RBM19: variants seen among roughly 807,000 people sequenced by gnomAD.
RBM19 encodes RNA binding motif protein 19.
RBM19 carries 94 observed loss-of-function variants against 116.8 expected under a neutral mutation model. That is an observed-to-expected ratio of 0.80 (90% confidence interval 0.68 to 0.95). The LOEUF (loss-of-function observed/expected upper bound fraction) is 0.95. Ranked by LOEUF, RBM19 falls within the 40% of genes least tolerant of loss-of-function variation. The probability of loss-of-function intolerance (pLI) is 0.00; values close to 1 mark genes in which losing one functional copy is unlikely to be tolerated. For synonymous variants in RBM19, 475 were observed against 494.1 expected (o/e 0.96, Z 0.51); for missense variants, 1,161 against 1,220.7 (o/e 0.95, Z 0.73).
At chr12:113,948,734 G>A (rs1198692675) in intron 10 of RBM19, 99 bp downstream of exon 10, 1 of 1,191,298 alleles carries the variant, frequency 8.4e-7, no homozygotes, top group African/African-American at 1.5e-5. Flanking sequence ...AAGAGATGTG[G>A]AGTCGTGTGC....
At position 113,844,700 on chromosome 12, in the gene RBM19, G is replaced by C. The variant is rs575444859; in HGVS notation, c.2753C>G (p.Ala918Gly). Residue 918 changes from alanine (A) to glycine (G), a missense_variant, in exon 23 of 24, where the codon GCC (alanine) becomes GGC (glycine). By Grantham distance (60) the Ala-to-Gly change is moderately conservative. Coordinates refer to ENST00000261741, the MANE Select transcript of RBM19 (RefSeq NM_016196.4). ...EWADSEVTLQ[A>G]LRRKTAAHFH... ...GTGAGCGGCCGTCTTCCGCCGCAGGGCCTGCAGGGTCACCTCGGAGTCGGC... is the reference window on the plus strand; with the variant it reads ...GTGAGCGGCCGTCTTCCGCCGCAGGCCCTGCAGGGTCACCTCGGAGTCGGC... The C allele has an allele frequency of 5.0e-6, 8 of 1,612,686 alleles. No homozygotes were observed. In the African/African-American group the frequency reaches 9.3e-5, roughly 19 times the overall value.
chr12:113,939,183 G>A (rs1870327901), intron 15 of RBM19, among the ~76,000 whole-genome samples: 1 of 152,146 alleles, frequency 6.6e-6, no homozygotes, highest in Non-Finnish European at 1.5e-5. Flanking sequence ...GTGCATGCCT[G>A]TAGTCTCAGC....
chr12:113,927,014 C>A, intron 17 of RBM19, 40 bp downstream of exon 17: 1 of 1,586,842 alleles, frequency 6.3e-7, no homozygotes, highest in Non-Finnish European at 8.6e-7. Flanking sequence ...TGGGGTTTCC[C>A]ATCCCACGCC....
intron 21 of RBM19, among the ~76,000 whole-genome samples, chr12:113,888,709 G>A (rs1880726745): frequency 6.6e-6 from 1 of 152,050 alleles, no homozygotes; most frequent in Non-Finnish European, 1.5e-5. Context: ...CTTTCAACCT[G>A]TCTTCCCTGC....
Position 113,920,702 on chromosome 12 carries a change from A to C in RBM19, c.2306-12T>G. 6.2e-7 allele frequency: 1 copy of C among 1,611,172 alleles called. No homozygotes were observed. The highest frequency in any genetic ancestry group is 8.5e-7 in the Non-Finnish European group (1 of 1,177,434). ...GGAAAGGAGCACTCCTGAGAGAGAG[A>C]GGTGGAAATCACACCAGTCGGTGAA... On this transcript the variant is annotated splice_polypyrimidine_tract_variant and intron_variant, in intron 18 of 23. Transcript: ENST00000261741.
chr12:113,844,264 C>T (rs976421696), intron 23 of RBM19, among the ~76,000 whole-genome samples: 4 of 152,122 alleles, frequency 2.6e-5, no homozygotes, highest in African/African-American at 4.8e-5. Flanking sequence ...CCAGGAAGGC[C>T]GTGAGCATCC....
intron 21 of RBM19, among the ~76,000 whole-genome samples, chr12:113,907,499 T>G (rs1030693298): frequency 2.0e-5 from 3 of 152,214 alleles, no homozygotes; most frequent in Admixed American, 2.0e-4. Context: ...CATTCCGTCC[T>G]TTCAAACCAC....
At chr12:113,866,628 C>T (rs1878827544) in intron 21 of RBM19, among the ~76,000 whole-genome samples, 1 of 152,180 alleles carries the variant, frequency 6.6e-6, no homozygotes, top group South Asian at 2.1e-4. Context: ...TCAGCATCAC[C>T]AGGGAGCTTG....
Position 113,858,804 on chromosome 12 carries a change from T to C in RBM19, c.2651A>G (p.Lys884Arg), listed in dbSNP as rs757175277. Residue 884 changes from lysine (K) to arginine (R), a missense_variant, in exon 22 of 24, where the codon AAG (lysine) becomes AGG (arginine). Physicochemically the swap from Lys to Arg is conservative, Grantham distance 26. Coordinates refer to ENST00000261741, the MANE Select transcript of RBM19 (RefSeq NM_016196.4). ...TCACGGTCTCACCTTCGCATCCTGC[T>C]TGGTGAGGAAGTCCACAAAGCCGAA... is the stretch of plus-strand genomic sequence containing the variant. ...RGFGFVDFLT[K>R]QDAKRAFNAL... is the part of the protein sequence containing the mutation. 44 of 1,613,928 alleles carry C rather than the reference T, an allele frequency of 2.7e-5. No homozygotes were observed. Among genetic ancestry groups the C allele is most frequent in the Non-Finnish European group, 3.4e-5 (40 of 1,179,960 alleles).
intron 21 of RBM19, among the ~76,000 whole-genome samples, chr12:113,872,210 G>C (rs1407933503): frequency 1.4e-5 from 2 of 147,358 alleles, no homozygotes; most frequent in South Asian, 2.3e-4. Context: ...GCCTCTGCCC[G>C]GCCGAGACCC....
At chr12:113,844,636 T>A (rs184761804) in intron 23 of RBM19, 32 bp downstream of exon 23, 1 of 1,589,104 alleles carries the variant, frequency 6.3e-7, no homozygotes, top group Non-Finnish European at 8.6e-7. Flanking sequence ...AGGGGGCCCA[T>A]GAGTCAGCCC....
At chr12:113,865,557 A>G (rs1172129434) in intron 21 of RBM19, among the ~76,000 whole-genome samples, 1 of 152,248 alleles carries the variant, frequency 6.6e-6, no homozygotes, top group Non-Finnish European at 1.5e-5. Flanking sequence ...CACTGTATCC[A>G]TTCATTTAAT....
intron 21 of RBM19, among the ~76,000 whole-genome samples, chr12:113,895,286 G>A (rs1242517232): frequency 1.3e-5 from 2 of 152,206 alleles, no homozygotes; most frequent in African/African-American, 4.8e-5. Context: ...TTGGGCGGGA[G>A]AGAGTGTGTG....
At chr12:113,928,971 T>C (rs1248053080) in intron 16 of RBM19, among the ~76,000 whole-genome samples, 1 of 152,082 alleles carries the variant, frequency 6.6e-6, no homozygotes, top group Non-Finnish European at 1.5e-5. Flanking sequence ...AGGCTGTGCC[T>C]TCACACCCCT....
intron 10 of RBM19, among the ~76,000 whole-genome samples, chr12:113,948,374 A>G (rs1288288767): frequency 6.6e-6 from 1 of 152,174 alleles, no homozygotes. Context: ...CCTTGACACT[A>G]TCAAATCTAT....
At chr12:113,933,310 C>T (rs1371892338) in intron 16 of RBM19, among the ~76,000 whole-genome samples, 4 of 102,418 alleles carry the variant, frequency 3.9e-5, no homozygotes, top group African/African-American at 1.2e-4. Context: ...ACGGGGGAGT[C>T]GGGGATTTGG....
intron 21 of RBM19, among the ~76,000 whole-genome samples, chr12:113,900,142 C>G (rs1333604421): frequency 6.6e-6 from 1 of 152,128 alleles, no homozygotes; most frequent in Non-Finnish European, 1.5e-5. Context: ...AGCGGAAGCC[C>G]GAGCCTGCGA....
chr12:113,945,804 G>C, intron 13 of RBM19, 24 bp downstream of exon 13: 1 of 1,516,012 alleles, frequency 6.6e-7, no homozygotes, highest in South Asian at 1.1e-5. Flanking sequence ...AGATCCCAGA[G>C]AGGACTGGTC....
intron 17 of RBM19, 137 bp from the exon 18 acceptor site, chr12:113,924,894 G>A (rs10774723): frequency 7.0e-6 from 5 of 712,538 alleles, no homozygotes; most frequent in South Asian, 6.2e-5. Flanking sequence ...GATGAGTGAT[G>A]ACCTCCTTTA....
Sources: gnomAD v4.1 joint callset for allele counts (sites outside exome capture counted in the v4.1 genomes callset) on GRCh38, gnomAD v4.1.1 for gene constraint, MANE v1.5 for transcripts, NCBI Gene and HGNC (gene_info 2026-07-23, HGNC 2026-07-21) for gene names.